The following DNAH9 variants were observed in gnomAD, a reference collection of about 807,000 sequenced individuals.
DNAH9 encodes the protein DNAH9 variant protein.
In DNAH9, 345 loss-of-function variants were observed where a neutral mutation model predicts 471.6. The observed-to-expected ratio is 0.73, with a 90% confidence interval of 0.67 to 0.80. The LOEUF (loss-of-function observed/expected upper bound fraction) is 0.80, where lower values mean the gene tolerates loss of function less well. Ranked by LOEUF, DNAH9 falls within the 30% of genes least tolerant of loss-of-function variation. The pLI is 0.00. For missense variants in DNAH9, 5,407 were observed against 5,609.2 expected (o/e 0.96, Z 1.15); for synonymous variants, 2,093 against 2,123.6 (o/e 0.99, Z 0.40).
At chr17:11,647,433 T>G (rs2073416515) in intron 12 of DNAH9, among the ~76,000 whole-genome samples, 1 of 152,168 alleles carries the variant, frequency 6.6e-6, no homozygotes, top group African/African-American at 2.4e-5. Flanking sequence ...TGCAAAAGAT[T>G]CTCAAAATAA....
intron 53 of DNAH9, among the ~76,000 whole-genome samples, chr17:11,878,099 C>A (rs1200595976): frequency 6.6e-6 from 1 of 152,182 alleles, no homozygotes; most frequent in Non-Finnish European, 1.5e-5. Context: ...TCTCCCGAAA[C>A]TTTAATTAAA....
chr17:11,929,913 G>A lies in DNAH9; in HGVS notation c.11925G>A (p.Leu3975=). Residue 3975 remains leucine, a synonymous_variant, in exon 63 of 69, where the codon CTG becomes CTA. Coordinates refer to ENST00000262442, the MANE Select transcript of DNAH9 (RefSeq NM_001372.4). The stretch of plus-strand genomic sequence containing the variant: ...GGCTCAGCACCCTGGAGAAGAAGCT[G>A]GAGGAGCACAGTGAGAACAGCCACC... The part of the protein sequence containing the change: ...AKWLSTLEKK[L]EEHSENSHPE... 1.2e-6 allele frequency: 2 copies of A among 1,614,020 alleles called. No homozygotes were observed. Among genetic ancestry groups the A allele is most frequent in the East Asian group, 2.2e-5 (1 of 44,868 alleles).
intron 11 of DNAH9, among the ~76,000 whole-genome samples, chr17:11,645,714 C>G (rs1449723176): frequency 6.6e-6 from 1 of 152,020 alleles, no homozygotes; most frequent in Non-Finnish European, 1.5e-5. Context: ...CAGGAATGCT[C>G]ACTCTCCCTT....
Position 11,893,280 on chromosome 17 carries a change from C to T in DNAH9, c.11284-1094C>T, listed in dbSNP as rs980361531. ...CCCCTGTACACAGCTCACTAATTCC[C>T]CTATCAAGCCTCTGCTTTTTCCATT... On this transcript the variant is annotated intron_variant, in intron 58 of 68. Transcript: ENST00000262442. 3.4e-4 allele frequency among the ~76,000 whole-genome samples: 52 copies of T among 151,944 alleles called. 1 individual carries two copies. The highest frequency in any genetic ancestry group is 7.9e-4 in the Admixed American group (12 of 15,254).
intron 26 of DNAH9, among the ~76,000 whole-genome samples, chr17:11,708,536 G>A (rs151143541): frequency 0.019 from 2,853 of 152,236 alleles, 87 homozygotes; most frequent in African/African-American, 0.064. Flanking sequence ...GGTGGGGGGC[G>A]TGGAGTCTTA....
At chr17:11,883,811 T>C in intron 56 of DNAH9, 61 bp downstream of exon 56, 1 of 1,550,236 alleles carries the variant, frequency 6.5e-7, no homozygotes, top group Non-Finnish European at 8.7e-7. Context: ...TACAATTTTC[T>C]CTCCTCTTAG....
intron 67 of DNAH9, among the ~76,000 whole-genome samples, chr17:11,960,040 G>C (rs1201768058): frequency 6.6e-6 from 1 of 152,082 alleles, no homozygotes; most frequent in Non-Finnish European, 1.5e-5. Flanking sequence ...AGTTCATAAA[G>C]AAGTTACCAG....
chr17:11,610,712 G>T (rs112476683), intron 3 of DNAH9, among the ~76,000 whole-genome samples, 158 bp downstream of exon 3: 1 of 152,312 alleles, frequency 6.6e-6, no homozygotes, highest in East Asian at 1.9e-4. Context: ...TGGGTCAAGA[G>T]AGTTTTTTGA....
chr17:11,605,669 T>G (rs951030845), intron 1 of DNAH9, among the ~76,000 whole-genome samples: 15 of 121,190 alleles, frequency 1.2e-4, no homozygotes, highest in African/African-American at 4.3e-4. Flanking sequence ...CCGGGCAATT[T>G]TTCTATTTTT....
chr17:11,772,864 T>C (rs928083251), intron 38 of DNAH9, among the ~76,000 whole-genome samples: 4 of 152,238 alleles, frequency 2.6e-5, no homozygotes, highest in Admixed American at 1.3e-4. Flanking sequence ...ACAACATTCA[T>C]GCAATAAAGC....
At chr17:11,819,167 T>C (rs1324583391) in intron 45 of DNAH9, among the ~76,000 whole-genome samples, 2 of 152,080 alleles carry the variant, frequency 1.3e-5, no homozygotes, top group African/African-American at 4.8e-5. Flanking sequence ...CAGACAAAAT[T>C]CTCAAAAGAA....
rs757792196 is a variant in DNAH9, at chr17:11,822,514, C to A, written c.8927C>A (p.Thr2976Lys). The change falls in exon 47 of 69, where the codon ACA becomes AAA. Residue 2976 changes from threonine (T) to lysine (K), a missense_variant. Transcript: ENST00000262442. Reference sequence around the variant, plus strand: ...AAGTTCCCAGCCATTGTGAACTGCACAGCCATCCACTGGTTCCACGAGTGG... The same window carrying A: ...AAGTTCCCAGCCATTGTGAACTGCAAAGCCATCCACTGGTTCCACGAGTGG... ...SRKFPAIVNC[T>K]AIHWFHEWPQ... is the part of the protein sequence containing the mutation. 1 of 1,614,206 alleles carries A rather than the reference C, an allele frequency of 6.2e-7. No individual in the cohort carries two copies. The highest frequency in any genetic ancestry group is 8.5e-7 in the Non-Finnish European group (1 of 1,180,038).
At chr17:11,753,567 T>C (rs1227229370) in intron 33 of DNAH9, among the ~76,000 whole-genome samples, 1 of 152,146 alleles carries the variant, frequency 6.6e-6, no homozygotes, top group Non-Finnish European at 1.5e-5. Flanking sequence ...TTCAGGAGGC[T>C]GAGGCAGGAG....
chr17:11,789,699 G>T (rs1968998208), intron 41 of DNAH9, among the ~76,000 whole-genome samples: 1 of 151,604 alleles, frequency 6.6e-6, no homozygotes, highest in Non-Finnish European at 1.5e-5. Flanking sequence ...TTTTCTCTTT[G>T]CTTTATAATT....
intron 41 of DNAH9, among the ~76,000 whole-genome samples, chr17:11,790,617 A>C (rs1274017024): frequency 1.3e-5 from 2 of 151,974 alleles, no homozygotes; most frequent in African/African-American, 4.8e-5. Context: ...GTCCCACCTG[A>C]CAACATTGCC....
chr17:11,712,978 G>A (rs978973176), intron 26 of DNAH9, among the ~76,000 whole-genome samples: 2 of 151,804 alleles, frequency 1.3e-5, no homozygotes, highest in African/African-American at 2.4e-5. Flanking sequence ...ATGGGGGTTC[G>A]TGGTACAGAT....
intron 55 of DNAH9, chr17:11,883,033 T>C: frequency 8.1e-6 from 8 of 986,162 alleles, no homozygotes; most frequent in Non-Finnish European, 8.4e-6. Flanking sequence ...TGCTTTAGGA[T>C]ATGGAGCATA....
chr17:11,966,316 T>A (rs1023097988), intron 68 of DNAH9, among the ~76,000 whole-genome samples: 1 of 152,170 alleles, frequency 6.6e-6, no homozygotes, highest in Non-Finnish European at 1.5e-5. Context: ...ATAGTCAAAA[T>A]GCTGAAAGAA....
At position 11,632,952 on chromosome 17, in the gene DNAH9, G is replaced by A. The variant is rs866024856; in HGVS notation, c.1635+249G>A. ...AAATACTTTTAAGAAGAATTTCTGCGGTGATCTCTTTAGGTGCCATACCTT... is the reference window on the plus strand; with the variant it reads ...AAATACTTTTAAGAAGAATTTCTGCAGTGATCTCTTTAGGTGCCATACCTT... On this transcript the variant is annotated intron_variant, in intron 8 of 68. Transcript: ENST00000262442. Among the ~76,000 whole-genome samples the A allele has an allele frequency of 5.3e-5, 8 of 152,106 alleles. No individual in the cohort carries two copies. The South Asian group carries it at 6.2e-4, about 12-fold the overall frequency.
Sources: allele counts gnomAD v4.1 joint callset (sites outside exome capture counted in the v4.1 genomes callset), GRCh38; gene constraint gnomAD v4.1.1; transcripts MANE v1.5; gene names NCBI Gene and HGNC (gene_info 2026-07-23, HGNC 2026-07-21).